The following BLTP3B variants were observed in gnomAD, a reference collection of about 807,000 sequenced individuals.
The protein encoded by BLTP3B is UHRF1 (ICBP90) binding protein 1-like.
At chr12:100,046,751 T>C in the BLTP3B span, among the ~76,000 whole-genome samples, 8 of 151,962 alleles carry the variant, frequency 5.3e-5, no homozygotes, top group African/African-American at 1.9e-4. Context: ...GAAGTGTCAC[T>C]ATAAAGAAGA....
the BLTP3B span, chr12:100,057,535 C>T: frequency 4.2e-5 from 66 of 1,564,548 alleles, no homozygotes; most frequent in African/African-American, 4.6e-4. Flanking sequence ...GGTGTATGTA[C>T]GTAATATGAA....
At chr12:100,130,974 AGAGGGAGG>A in the BLTP3B span, among the ~76,000 whole-genome samples, 3,336 of 100,502 alleles carry the variant, frequency 0.033, 78 homozygotes, top group Non-Finnish European at 0.042. Context: ...AGAGAGAGAG[AGAGGGAGG>A]GAGAGAGAGA....
At chr12:100,111,552 T>C in the BLTP3B span, among the ~76,000 whole-genome samples, 1,770 of 152,126 alleles carry the variant, frequency 0.012, 41 homozygotes, top group African/African-American at 0.04. Context: ...CCAAAGCAGT[T>C]GGGACCATGG....
At chr12:100,053,238 C>A in the BLTP3B span, among the ~76,000 whole-genome samples, 169 of 151,918 alleles carry the variant, frequency 1.1e-3, no homozygotes, top group East Asian at 0.015. Flanking sequence ...AACCCCATCT[C>A]GACTAAAAAT....
At chr12:100,040,326 T>C in the BLTP3B span, among the ~76,000 whole-genome samples, 1 of 152,072 alleles carries the variant, frequency 6.6e-6, no homozygotes, top group African/African-American at 2.4e-5. Flanking sequence ...AGACCAGGAG[T>C]TGGAGACCAG....
the BLTP3B span, among the ~76,000 whole-genome samples, chr12:100,064,956 C>T: frequency 4.9e-4 from 73 of 150,236 alleles, 1 homozygote; most frequent in Non-Finnish European, 7.4e-5. Context: ...TGGTACCTCA[C>T]GTCTCAATAC....
chr12:100,122,059 C>T, the BLTP3B span, among the ~76,000 whole-genome samples: 1 of 151,966 alleles, frequency 6.6e-6, no homozygotes, highest in East Asian at 1.9e-4. Flanking sequence ...TACTTAAGCC[C>T]AGGAGTTCCA....
At chr12:100,136,166 G>C in the BLTP3B span, among the ~76,000 whole-genome samples, 1 of 149,376 alleles carries the variant, frequency 6.7e-6, no homozygotes, top group East Asian at 2.0e-4. Context: ...AGCTGAGATT[G>C]CTCCATTGTA....
chr12:100,137,384 T>C, the BLTP3B span, among the ~76,000 whole-genome samples: 352 of 152,296 alleles, frequency 2.3e-3, 1 homozygote, highest in African/African-American at 8.1e-3. Flanking sequence ...CTCATCACTT[T>C]GCCATTCAGG....
the BLTP3B span, among the ~76,000 whole-genome samples, chr12:100,084,245 A>G: frequency 6.6e-6 from 1 of 151,952 alleles, no homozygotes. Context: ...TAATCCCAGC[A>G]CTTTGCGGAG....
the BLTP3B span, chr12:100,070,001 T>C: frequency 1.6e-6 from 2 of 1,226,080 alleles, no homozygotes; most frequent in Non-Finnish European, 1.0e-6. Context: ...ATGGCCGTGG[T>C]GAATACAGGG....
the BLTP3B span, among the ~76,000 whole-genome samples, chr12:100,140,131 T>A: frequency 6.6e-6 from 1 of 152,160 alleles, no homozygotes; most frequent in African/African-American, 2.4e-5. Flanking sequence ...CCTTCCTGAG[T>A]AACTATAATT....
At chr12:100,043,733 T>A in the BLTP3B span, among the ~76,000 whole-genome samples, 1 of 152,208 alleles carries the variant, frequency 6.6e-6, no homozygotes, top group African/African-American at 2.4e-5. Context: ...AGCTGCATAA[T>A]CTACCCTCAA....
chr12:100,118,332 C>CA, the BLTP3B span, among the ~76,000 whole-genome samples: 1 of 152,004 alleles, frequency 6.6e-6, no homozygotes, highest in Non-Finnish European at 1.5e-5. Flanking sequence ...GTTGAGGCTG[C>CA]AGTGAGTCAT....
chr12:100,132,884 G>A, the BLTP3B span, among the ~76,000 whole-genome samples: 84 of 152,110 alleles, frequency 5.5e-4, no homozygotes, highest in Admixed American at 7.9e-4. Flanking sequence ...AGAGGTGGAG[G>A]TTACAGTGAG....
At chr12:100,044,472 C>G in the BLTP3B span, among the ~76,000 whole-genome samples, 4 of 152,228 alleles carry the variant, frequency 2.6e-5, no homozygotes, top group East Asian at 5.8e-4. Context: ...AATAGTGAAG[C>G]CCAGAAGATA....
the BLTP3B span, among the ~76,000 whole-genome samples, chr12:100,102,037 T>TG: frequency 1.3e-5 from 2 of 151,918 alleles, no homozygotes; most frequent in African/African-American, 4.8e-5. Context: ...TGACCTCAGG[T>TG]GATCCGCCCA....
the BLTP3B span, among the ~76,000 whole-genome samples, chr12:100,062,878 T>A: frequency 2.0e-5 from 3 of 151,926 alleles, no homozygotes; most frequent in African/African-American, 7.3e-5. Context: ...GGAAGGTCAC[T>A]TGAGTCCAGG....
chr12:100,106,666 G>C, the BLTP3B span, among the ~76,000 whole-genome samples: 3 of 152,138 alleles, frequency 2.0e-5, no homozygotes, highest in Admixed American at 1.3e-4. Context: ...ACACTACTCA[G>C]CTGACAGATG....
Sources: allele counts gnomAD v4.1 joint callset (sites outside exome capture counted in the v4.1 genomes callset), GRCh38; gene constraint gnomAD v4.1.1; transcripts MANE v1.5; gene names NCBI Gene and HGNC (gene_info 2026-07-23, HGNC 2026-07-21).